The following MSH4 variants were observed in gnomAD, a reference collection of about 807,000 sequenced individuals.
MSH4 encodes the protein mutS homolog 4.
Under a neutral mutation model 113.7 loss-of-function variants are expected in MSH4, and 106 were observed. That is an observed-to-expected ratio of 0.93 (90% CI 0.80 to 1.10). MSH4 has a LOEUF of 1.10. MSH4 is among the 50% of genes least tolerant of loss of function. The pLI, the probability that MSH4 is intolerant of heterozygous loss-of-function variation, is 0.00. For missense variants in MSH4, 1,061 were observed against 1,093.7 expected, an observed-to-expected ratio of 0.97 and a Z score of 0.42; for synonymous variants, 368 against 380.2, an observed-to-expected ratio of 0.97 and a Z score of 0.37.
chr1:75,813,635 T>C (rs1178056108), intron 4 of MSH4, among the ~76,000 whole-genome samples: 1 of 152,076 alleles, frequency 6.6e-6, no homozygotes, highest in Admixed American at 6.6e-5. Context: ...ATGGAGGTAT[T>C]TGAGGTAAAA....
At chr1:75,866,059 G>A (rs183452722) in intron 8 of MSH4, among the ~76,000 whole-genome samples, 11 of 152,156 alleles carry the variant, frequency 7.2e-5, no homozygotes, top group South Asian at 4.1e-4. Flanking sequence ...CTGTTTTTAC[G>A]TCAATACCAT....
intron 15 of MSH4, among the ~76,000 whole-genome samples, chr1:75,885,319 GT>G (rs1230973843): frequency 0.065 from 1,834 of 28,236 alleles, 31 homozygotes; most frequent in South Asian, 0.13. Flanking sequence ...CACACTGGGG[GT>G]GTGTGTGTGT....
At position 75,904,907 on chromosome 1, in the gene MSH4, T is replaced by C. The variant is rs544614083; in HGVS notation, c.2619+5201T>C. ...TATAGTTGTTTACAATAGTCTCTAATGATCCTTTGTATTTCTGTGGTATCA... is the reference window on the plus strand; with the variant it reads ...TATAGTTGTTTACAATAGTCTCTAACGATCCTTTGTATTTCTGTGGTATCA... On this transcript the variant is annotated intron_variant, in intron 19 of 19. Coordinates refer to ENST00000263187, the MANE Select transcript of MSH4 (RefSeq NM_002440.4). Among the ~76,000 whole-genome samples, 78 of 152,238 alleles carry C rather than the reference T, an allele frequency of 5.1e-4. 1 individual carries two copies. In the South Asian group the frequency reaches 7.7e-3, roughly 15 times the overall value.
At chr1:75,848,994 C>G (rs747542629) in intron 8 of MSH4, among the ~76,000 whole-genome samples, 1 of 152,022 alleles carries the variant, frequency 6.6e-6, no homozygotes, top group Non-Finnish European at 1.5e-5. Context: ...TGCAGTGGTG[C>G]GATTTTGGCT....
rs531967396 is a variant in MSH4, at chr1:75,836,074, T to G, written c.1163-12135T>G. Among the ~76,000 whole-genome samples, 81 of 152,256 alleles carry G rather than the reference T, an allele frequency of 5.3e-4. 1 individual carries two copies. Among genetic ancestry groups the G allele is most frequent in the African/African-American group, 1.9e-3 (81 of 41,554 alleles). ...AAATGCCTGGTAGCCCTTAAATGAC[T>G]GTATGGTGTGAAGATATGAAAGCCT... On this transcript the variant is annotated intron_variant, in intron 7 of 19. Transcript: ENST00000263187.
chr1:75,885,932 ATATAACATATATAATATATATGATGTAT>A (rs1295829711), intron 15 of MSH4, among the ~76,000 whole-genome samples: 11 of 34,582 alleles, frequency 3.2e-4, no homozygotes, highest in South Asian at 1.1e-3. Flanking sequence ...ATGATGTATT[ATATAACATATATAATATATATGATGTAT>A]TATATAGCAT....
At chr1:75,908,733 G>T (rs1220426688) in intron 19 of MSH4, among the ~76,000 whole-genome samples, 1 of 152,104 alleles carries the variant, frequency 6.6e-6, no homozygotes, top group African/African-American at 2.4e-5. Context: ...TAGGTTGTAT[G>T]TTTGCTTAGA....
Position 75,836,302 on chromosome 1 carries a change from C to CCTT in MSH4, c.1163-11907_1163-11906insCTT, listed in dbSNP as rs113398260. On this transcript the variant is annotated intron_variant, in intron 7 of 19. Transcript: ENST00000263187. ...TCTTTTTCTCTTTTTCTTTCTTTTTCTTTTTTTTTTTTTTGAGACAAGGTC... is the reference window on the plus strand; with the variant it reads ...TCTTTTTCTCTTTTTCTTTCTTTTTCCTTTTTTTTTTTTTTTTGAGACAAGGTC... Among the ~76,000 whole-genome samples the CCTT allele has an allele frequency of 7.3e-4, 99 of 135,954 alleles. 1 individual carries two copies. The highest frequency in any genetic ancestry group is 1.5e-3 in the Admixed American group (19 of 12,950). The allele number at this position is 135,954 out of a possible 152,430, so 89.2% of individuals were successfully genotyped here. A position where few individuals can be genotyped will look rare whatever the true frequency, so the allele number is the denominator to read the frequency against.
rs796554813 is a variant in MSH4, at chr1:75,802,723, A to G, written c.245-1008A>G. The stretch of plus-strand genomic sequence containing the variant: ...CTAATAATTATTATACAAATGAAAC[A>G]TATGTCTTAGTCTGTATTCTGTTGC... On this transcript the variant is annotated intron_variant, in intron 1 of 19. Transcript: ENST00000263187. 3.3e-5 allele frequency among the ~76,000 whole-genome samples: 5 copies of G among 152,204 alleles called. No homozygotes were observed. In the South Asian group the frequency reaches 6.2e-4, roughly 19 times the overall value.
intron 7 of MSH4, among the ~76,000 whole-genome samples, chr1:75,843,886 A>T (rs1194452298): frequency 6.6e-6 from 1 of 151,568 alleles, no homozygotes; most frequent in Admixed American, 6.6e-5. Context: ...ATCTCGGCTC[A>T]CTGTAACCTC....
chr1:75,823,226 G>T (rs534645202), intron 7 of MSH4, among the ~76,000 whole-genome samples: 1 of 152,122 alleles, frequency 6.6e-6, no homozygotes, highest in East Asian at 1.9e-4. Flanking sequence ...GACACTAGTC[G>T]TATTGTATTA....
rs553021140 is a variant in MSH4, at chr1:75,876,234, T to C, written c.1306-702T>C. ...AGGAGCACACAATGATATAAAATTA[T>C]TTATTTTAGATACTGACAGGAAATA... On this transcript the variant is annotated intron_variant, in intron 9 of 19. Coordinates refer to ENST00000263187, the MANE Select transcript of MSH4 (RefSeq NM_002440.4). Among the ~76,000 whole-genome samples, 189 of 152,274 alleles carry C rather than the reference T, an allele frequency of 1.2e-3. 1 individual carries two copies. Among genetic ancestry groups the C allele is most frequent in the African/African-American group, 4.4e-3 (183 of 41,560 alleles).
At chr1:75,834,830 A>G (rs183065764) in intron 7 of MSH4, among the ~76,000 whole-genome samples, 1 of 152,002 alleles carries the variant, frequency 6.6e-6, no homozygotes, top group East Asian at 1.9e-4. Flanking sequence ...GTAAATGAGG[A>G]GTTAACGGGT....
rs367653725 is a variant in MSH4, at chr1:75,823,735, T to C, written c.1162+1154T>C. 1.8e-3 allele frequency among the ~76,000 whole-genome samples: 275 copies of C among 152,310 alleles called. 1 individual carries two copies. Among genetic ancestry groups the C allele is most frequent in the African/African-American group, 6.2e-3 (256 of 41,570 alleles). On this transcript the variant is annotated intron_variant, in intron 7 of 19. Coordinates refer to ENST00000263187, the MANE Select transcript of MSH4 (RefSeq NM_002440.4). ...AGTGAAAACATGCAGTGTTTGGTTT[T>C]CTGTTCCTGCATTAGTTTGCTGAGG...
chr1:75,872,408 C>G (rs113686811), intron 9 of MSH4, among the ~76,000 whole-genome samples: 2 of 152,052 alleles, frequency 1.3e-5, no homozygotes, highest in African/African-American at 4.8e-5. Flanking sequence ...GAATCACTTA[C>G]GTTTATATGT....
At chr1:75,804,857 C>CT (rs908044181) in intron 2 of MSH4, among the ~76,000 whole-genome samples, 2 of 151,452 alleles carry the variant, frequency 1.3e-5, no homozygotes, top group Non-Finnish European at 2.9e-5. Context: ...GAGATGGAGC[C>CT]TTGCTCTGTC....
chr1:75,870,074 C>A (rs900639570), intron 9 of MSH4, among the ~76,000 whole-genome samples: 1 of 152,198 alleles, frequency 6.6e-6, no homozygotes, highest in African/African-American at 2.4e-5. Context: ...TCACTTCTTG[C>A]ATCAGTGTGA....
At chr1:75,869,170 G>A (rs1444733682) in intron 9 of MSH4, among the ~76,000 whole-genome samples, 1 of 152,130 alleles carries the variant, frequency 6.6e-6, no homozygotes, top group African/African-American at 2.4e-5. Flanking sequence ...GGATTTTTGG[G>A]AACTGGAATA....
At chr1:75,887,857 T>C (rs1652160744) in intron 15 of MSH4, among the ~76,000 whole-genome samples, 2 of 151,948 alleles carry the variant, frequency 1.3e-5, no homozygotes, top group African/African-American at 4.8e-5. Context: ...TCTGGCTCTA[T>C]CACTTCATTA....
Sources: gnomAD v4.1 joint callset for allele counts (sites outside exome capture counted in the v4.1 genomes callset) on GRCh38, gnomAD v4.1.1 for gene constraint, MANE v1.5 for transcripts, NCBI Gene and HGNC (gene_info 2026-07-23, HGNC 2026-07-21) for gene names.